The following TTC17 variants were observed in gnomAD, a reference collection of about 807,000 sequenced individuals.
The protein encoded by TTC17 is tetratricopeptide repeat protein 17.
TTC17 carries 58 observed loss-of-function variants against 143.8 expected under a neutral mutation model. The observed-to-expected ratio is 0.40, with a 90% confidence interval of 0.33 to 0.50. The LOEUF is 0.50. Among genes scored for constraint, TTC17 ranks in the 20% least tolerant of loss-of-function variants. The pLI is 0.49. For synonymous variants in TTC17, 501 were observed against 497.8 expected (o/e 1.01, Z -0.09); for missense variants, 1,273 against 1,392.5 (o/e 0.91, Z 1.37).
chr11:43,451,634 C>T (rs550099682), intron 21 of TTC17, among the ~76,000 whole-genome samples: 1 of 152,274 alleles, frequency 6.6e-6, no homozygotes, highest in South Asian at 2.1e-4. Context: ...ATGGGAAACA[C>T]ACTTTGAAAT....
At chr11:43,482,843 A>G (rs1019115931) in intron 21 of TTC17, among the ~76,000 whole-genome samples, 1 of 152,086 alleles carries the variant, frequency 6.6e-6, no homozygotes, top group African/African-American at 2.4e-5. Flanking sequence ...GTGTATTTCT[A>G]AGTTCTGTTA....
At chr11:43,384,546 T>C (rs935928737) in intron 2 of TTC17, among the ~76,000 whole-genome samples, 10 of 151,992 alleles carry the variant, frequency 6.6e-5, no homozygotes, top group Non-Finnish European at 1.3e-4. Context: ...TCCCAGCTAC[T>C]TGGGAGGCTG....
chr11:43,472,841 TAAAAAA>T (rs140936007), intron 21 of TTC17, among the ~76,000 whole-genome samples: 2 of 115,058 alleles, frequency 1.7e-5, no homozygotes, highest in East Asian at 2.4e-4. Context: ...GGAATTAAGC[TAAAAAA>T]AAAAAAAAAA....
intron 16 of TTC17, among the ~76,000 whole-genome samples, chr11:43,424,154 T>C (rs969628515): frequency 1.3e-5 from 2 of 151,326 alleles, no homozygotes; most frequent in Non-Finnish European, 1.5e-5. Flanking sequence ...GTGCAGTGGC[T>C]CTGTCTCGGC....
At chr11:43,383,863 G>A (rs1442780453) in intron 2 of TTC17, among the ~76,000 whole-genome samples, 3 of 152,050 alleles carry the variant, frequency 2.0e-5, no homozygotes, top group African/African-American at 7.2e-5. Context: ...ATAGGGGCAA[G>A]CACTAAAATA....
At chr11:43,449,877 G>A (rs1307657748) in intron 19 of TTC17, 2 of 581,084 alleles carry the variant, frequency 3.4e-6, no homozygotes, top group South Asian at 4.6e-5. Context: ...GATATAACTA[G>A]TTGTGGGTAT....
chr11:43,446,991 G>A (rs952726114), intron 18 of TTC17, among the ~76,000 whole-genome samples: 1 of 152,158 alleles, frequency 6.6e-6, no homozygotes, highest in Non-Finnish European at 1.5e-5. Context: ...TAGTCTCTCT[G>A]AGTCTCTGTT....
At chr11:43,376,581 A>G (rs1307239705) in intron 1 of TTC17, among the ~76,000 whole-genome samples, 1 of 152,056 alleles carries the variant, frequency 6.6e-6, no homozygotes, top group Non-Finnish European at 1.5e-5. Flanking sequence ...CCTCTCTGTA[A>G]TTCCTGTCTC....
intron 23 of TTC17, 38 bp downstream of exon 23, chr11:43,492,201 C>G (rs778780212): frequency 7.5e-6 from 12 of 1,589,594 alleles, no homozygotes; most frequent in Non-Finnish European, 1.0e-5. Flanking sequence ...CCAACTCTGC[C>G]AAACAGTAGC....
intron 1 of TTC17, among the ~76,000 whole-genome samples, chr11:43,369,569 T>C (rs1322924170): frequency 1.3e-5 from 2 of 152,196 alleles, no homozygotes; most frequent in Non-Finnish European, 2.9e-5. Flanking sequence ...AAGTTTGTTT[T>C]TTCCTTTGAT....
intron 2 of TTC17, 104 bp downstream of exon 2, chr11:43,379,426 C>A: frequency 9.8e-7 from 1 of 1,021,498 alleles, no homozygotes; most frequent in Non-Finnish European, 1.4e-6. Flanking sequence ...AAGTCTGAGT[C>A]TTCTGACTTT....
intron 11 of TTC17, among the ~76,000 whole-genome samples, chr11:43,404,586 G>A (rs1164936052): frequency 6.6e-6 from 1 of 152,164 alleles, no homozygotes; most frequent in Non-Finnish European, 1.5e-5. Flanking sequence ...CAATAAACAA[G>A]TTAGTACATG....
chr11:43,392,674 G>T (rs1275953495), intron 5 of TTC17, among the ~76,000 whole-genome samples: 1 of 152,142 alleles, frequency 6.6e-6, no homozygotes, highest in African/African-American at 2.4e-5. Context: ...TTCTGTAGCT[G>T]TGTTACCATC....
chr11:43,414,582 C>G lies in TTC17; in HGVS notation c.2065-8C>G. The G allele has an allele frequency of 6.4e-7, 1 of 1,573,982 alleles. No homozygotes were observed. The highest frequency in any genetic ancestry group is 8.6e-7 in the Non-Finnish European group (1 of 1,162,848). On this transcript the variant is annotated splice_region_variant and splice_polypyrimidine_tract_variant and intron_variant, in intron 15 of 23. Transcript: ENST00000039989. ...ATTAACATTTTGCCGATTTTTTTTT[C>G]TTTTCAGCCTCTGACCTTTTTGAGC...
intron 5 of TTC17, chr11:43,395,464 A>C (rs959193378): frequency 8.5e-5 from 13 of 152,200 alleles, no homozygotes; most frequent in Non-Finnish European, 1.8e-4. Flanking sequence ...ATAAAAGATG[A>C]AAATCAAAAT....
chr11:43,404,887 A>C lies in TTC17; in HGVS notation c.1480-627A>C, dbSNP rs146248630. Among the ~76,000 whole-genome samples, 718 of 152,302 alleles carry C rather than the reference A, an allele frequency of 4.7e-3. 5 individuals are homozygous for C. The highest frequency in any genetic ancestry group is 0.017 in the African/African-American group (693 of 41,580). ...TTGTTAAACTTTGGCATTGGCAAAG[A>C]AAAGACCTTAGTTCAGGGAAAAGTA... On this transcript the variant is annotated intron_variant, in intron 11 of 23. Coordinates refer to ENST00000039989, the MANE Select transcript of TTC17 (RefSeq NM_018259.6).
At chr11:43,414,972 T>C (rs986170072) in intron 16 of TTC17, among the ~76,000 whole-genome samples, 196 bp downstream of exon 16, 6 of 152,170 alleles carry the variant, frequency 3.9e-5, no homozygotes, top group Non-Finnish European at 7.3e-5. Flanking sequence ...AATTCTCTCT[T>C]AGAACTCTGG....
intron 15 of TTC17, among the ~76,000 whole-genome samples, chr11:43,410,291 T>C (rs1858351196): frequency 6.6e-6 from 1 of 152,226 alleles, no homozygotes; most frequent in African/African-American, 2.4e-5. Flanking sequence ...ATTTTCTCTC[T>C]TTGCCTTTTT....
chr11:43,458,645 C>G (rs1336891612), intron 21 of TTC17, among the ~76,000 whole-genome samples: 1 of 152,140 alleles, frequency 6.6e-6, no homozygotes, highest in African/African-American at 2.4e-5. Context: ...TGACACCCAC[C>G]CCAAGAACCC....
Sources: gnomAD v4.1 joint callset for allele counts (sites outside exome capture counted in the v4.1 genomes callset) on GRCh38, gnomAD v4.1.1 for gene constraint, MANE v1.5 for transcripts, NCBI Gene and HGNC (gene_info 2026-07-23, HGNC 2026-07-21) for gene names.